Variants in ZNF287 observed in about 807,000 individuals in gnomAD.
ZNF287 encodes zinc finger protein with KRAB and SCAN domains 13.
A neutral mutation model predicts 73.7 loss-of-function variants in ZNF287; 31 were observed. The observed-to-expected ratio is 0.42, with a 90% confidence interval of 0.32 to 0.57. ZNF287 has a LOEUF of 0.57. Among genes scored for constraint, ZNF287 ranks in the 20% least tolerant of loss-of-function variants. ZNF287 has a pLI of 0.13. For missense variants in ZNF287, 641 were observed against 909.3 expected, an observed-to-expected ratio of 0.70 and a Z score of 3.79; for synonymous variants, 301 against 307.2, an observed-to-expected ratio of 0.98 and a Z score of 0.21.
At chr17:16,564,525 A>G (rs1216203094) in intron 3 of ZNF287, among the ~76,000 whole-genome samples, 2 of 152,208 alleles carry the variant, frequency 1.3e-5, no homozygotes, top group Admixed American at 6.5e-5. Context: ...TTAAACACAG[A>G]TGACACAGTT....
intron 3 of ZNF287, among the ~76,000 whole-genome samples, chr17:16,566,068 T>C (rs776035419): frequency 6.6e-5 from 10 of 152,210 alleles, no homozygotes; most frequent in Non-Finnish European, 1.5e-4. Flanking sequence ...GGAAAAATAA[T>C]AGTAACAATC....
Position 16,552,484 on chromosome 17 carries a change from C to T in ZNF287, c.1658G>A (p.Arg553Gln), listed in dbSNP as rs868386276. 1.2e-6 allele frequency: 2 copies of T among 1,613,914 alleles called. No homozygotes were observed. Among genetic ancestry groups the T allele is most frequent in the South Asian group, 1.1e-5 (1 of 91,060 alleles). ...CTCTCCAGAATGAATTCTCTGATGT[C>T]GAATAAGGTAAGTACTCTGACTAAA... ...KVFSQSTYLIRHQRIHSGEKC... is the reference protein window; with the variant it reads ...KVFSQSTYLIQHQRIHSGEKC... The change falls in exon 6 of 6, where the codon CGA becomes CAA. Residue 553 changes from arginine to glutamine, a missense_variant. Transcript: ENST00000395825. This position sits in a 1 kb window ranked among gnomAD's most constrained non-coding sequence, Gnocchi z 6.5.
chr17:16,566,644 T>G, intron 2 of ZNF287, 22 bp from the exon 3 acceptor site: 3 of 1,579,248 alleles, frequency 1.9e-6, no homozygotes, highest in Non-Finnish European at 1.7e-6. Flanking sequence ...AAAGAGGTCA[T>G]GAGGGAGATT....
Position 16,552,573 on chromosome 17 carries a change from A to G in ZNF287, c.1569T>C (p.Leu523=). ...CAGTATGTATTTTTTGATGCTGAAG[A>G]AGGTGTGTACTCTGACTGAAAGTCT... ...CGKTFSQSTH[L]LQHQKIHTGK... Residue 523 remains leucine (L), a synonymous_variant, in exon 6 of 6, where the codon CTT becomes CTC. Transcript: ENST00000395825. The surrounding 1 kb of genome is among the most constrained non-coding windows in gnomAD (Gnocchi z 6.5). The G allele has an allele frequency of 6.2e-7, 1 of 1,614,130 alleles. No homozygotes were observed. Among genetic ancestry groups the G allele is most frequent in the Non-Finnish European group, 8.5e-7 (1 of 1,180,000 alleles).
intron 5 of ZNF287, chr17:16,558,096 T>C (rs779512936): frequency 6.6e-6 from 1 of 152,314 alleles, no homozygotes; most frequent in East Asian, 1.9e-4. Context: ...ACACTATGTA[T>C]GTTTTCTCAG....
intron 4 of ZNF287, 62 bp from the exon 5 acceptor site, chr17:16,563,294 A>T: frequency 8.1e-7 from 1 of 1,233,416 alleles, no homozygotes; most frequent in Non-Finnish European, 1.2e-6. Context: ...AAGTTTTATT[A>T]CCAGACTTCT....
chr17:16,566,834 TAA>T (rs1216224936), intron 2 of ZNF287, among the ~76,000 whole-genome samples: 2 of 152,354 alleles, frequency 1.3e-5, no homozygotes, highest in Non-Finnish European at 2.9e-5. Context: ...CTAAAAATCT[TAA>T]AGAGTATGAA....
chr17:16,561,270 C>T (rs951409048), intron 5 of ZNF287, among the ~76,000 whole-genome samples: 4 of 152,074 alleles, frequency 2.6e-5, no homozygotes, highest in African/African-American at 7.2e-5. Context: ...GAGGAGATCA[C>T]GCCACTGCAC....
At chr17:16,556,581 G>GA (rs1331164457) in intron 5 of ZNF287, among the ~76,000 whole-genome samples, 1 of 151,972 alleles carries the variant, frequency 6.6e-6, no homozygotes, top group East Asian at 1.9e-4. Flanking sequence ...TTTTATGAAA[G>GA]AAAAAAATTT....
intron 5 of ZNF287, among the ~76,000 whole-genome samples, chr17:16,554,812 T>G (rs1184868178): frequency 1.3e-5 from 2 of 152,120 alleles, no homozygotes; most frequent in African/African-American, 2.4e-5. Context: ...CCCAGCTACC[T>G]GGGAGGCTGA....
In ZNF287 at chr17:16,567,904, G is replaced by C. The variant is rs1907851455; in HGVS notation, c.-173C>G. 3 of 1,428,282 alleles carry C rather than the reference G, an allele frequency of 2.1e-6. No individual in the cohort carries two copies. Among genetic ancestry groups the C allele is most frequent in the Non-Finnish European group, 2.7e-6 (3 of 1,096,874 alleles). The allele number at this position is 1,428,282 out of a possible 1,614,324, so 88.5% of individuals were successfully genotyped here. ...GCCTTAGTGACAAATTCTGAGCCCAGAACTTGCAGGGATGGATAAGAGACC... is the reference window on the plus strand; with the variant it reads ...GCCTTAGTGACAAATTCTGAGCCCACAACTTGCAGGGATGGATAAGAGACC... On this transcript the variant is annotated 5_prime_UTR_variant, in exon 2 of 6. Transcript: ENST00000395825.
At chr17:16,560,276 T>C (rs1317998939) in intron 5 of ZNF287, among the ~76,000 whole-genome samples, 2 of 149,528 alleles carry the variant, frequency 1.3e-5, no homozygotes, top group East Asian at 3.9e-4. Context: ...AATAATATAT[T>C]GAATTTTTAA....
chr17:16,567,557 C>G lies in ZNF287; in HGVS notation c.175G>C (p.Asp59His). 6.2e-7 allele frequency: 1 copy of G among 1,614,200 alleles called. No homozygotes were observed. The highest frequency in any genetic ancestry group is 8.5e-7 in the Non-Finnish European group (1 of 1,180,038). Residue 59 changes from aspartate (D) to histidine (H), a missense_variant, in exon 2 of 6, where the codon GAC becomes CAC. Around this residue, in one of 2 missense-constraint regions of ZNF287, gnomAD observed 357 missense variants for 442.4 expected, o/e 0.81. Transcript: ENST00000395825. ...AATGCCTTTCGAGGACCAGCCAGGT[C>G]TGGGTATGGAAAATTCCTAAAATTC... The part of the protein sequence containing the change: ...RQNFRNFPYP[D>H]LAGPRKALSQ...
chr17:16,558,497 A>C (rs987935663), intron 5 of ZNF287: 1 of 152,174 alleles, frequency 6.6e-6, no homozygotes, highest in Non-Finnish European at 1.5e-5. Context: ...GACAGGTCTC[A>C]CTATGTTGCC....
Position 16,550,849 on chromosome 17 carries a change from T to C in ZNF287, c.*1007A>G, listed in dbSNP as rs536650558. On this transcript the variant is annotated 3_prime_UTR_variant, in exon 6 of 6. Transcript: ENST00000395825. ...GTGAAAAAAATGGGAACTGTATACTTTATACCTACTTTTTTCCTTCAGGAT... is the reference window on the plus strand; with the variant it reads ...GTGAAAAAAATGGGAACTGTATACTCTATACCTACTTTTTTCCTTCAGGAT... 6.6e-6 allele frequency among the ~76,000 whole-genome samples: 1 copy of C among 152,324 alleles called. No homozygotes were observed. The highest frequency in any genetic ancestry group is 1.5e-5 in the Non-Finnish European group (1 of 68,018).
At chr17:16,559,872 G>T (rs1430579832) in intron 5 of ZNF287, among the ~76,000 whole-genome samples, 1 of 152,128 alleles carries the variant, frequency 6.6e-6, no homozygotes, top group Admixed American at 6.5e-5. Context: ...TGGGACAATT[G>T]AGCATCAAAA....
chr17:16,558,536 G>A (rs1347366646), intron 5 of ZNF287, among the ~76,000 whole-genome samples: 1 of 152,190 alleles, frequency 6.6e-6, no homozygotes, highest in African/African-American at 2.4e-5. Context: ...CTGAGTTCAA[G>A]TGATCTGCCT....
In ZNF287 at chr17:16,567,763, T is replaced by C; in HGVS notation, c.-32A>G. On this transcript the variant is annotated 5_prime_UTR_variant, in exon 2 of 6. Transcript: ENST00000395825. The stretch of plus-strand genomic sequence containing the variant: ...AGACAGGAGAGTCAATCTGGCAATA[T>C]CCTTTATTTCTCCAGTAGTGAGCCA... 1 of 1,572,722 alleles carries C rather than the reference T, an allele frequency of 6.4e-7. No homozygotes were observed. The highest frequency in any genetic ancestry group is 8.6e-7 in the Non-Finnish European group (1 of 1,160,940).
chr17:16,551,070 G>A lies in ZNF287; in HGVS notation c.*786C>T, dbSNP rs1475266949. On this transcript the variant is annotated 3_prime_UTR_variant, in exon 6 of 6. Coordinates refer to ENST00000395825, the MANE Select transcript of ZNF287 (RefSeq NM_020653.4). ...CCATATCTGAGGGAAGGTGTAACCA[G>A]TGGTCACATAGAAATCTTTAAGATA... Among the ~76,000 whole-genome samples the A allele has an allele frequency of 6.6e-6, 1 of 151,896 alleles. No homozygotes were observed. Among genetic ancestry groups the A allele is most frequent in the African/African-American group, 2.4e-5 (1 of 41,344 alleles).
Sources: allele counts gnomAD v4.1 joint callset (sites outside exome capture counted in the v4.1 genomes callset), GRCh38; gene constraint gnomAD v4.1.1; regional missense constraint gnomAD v4.1.1; non-coding constraint Gnocchi (gnomAD v3.1); transcripts MANE v1.5; gene names NCBI Gene and HGNC (gene_info 2026-07-23, HGNC 2026-07-21).